PDE4D: variants seen among roughly 807,000 people sequenced by gnomAD.
PDE4D encodes the protein phosphodiesterase 4D.
In PDE4D, 24 loss-of-function variants were observed where a neutral mutation model predicts 87.4. The ratio of observed to expected loss-of-function variants is 0.27; its 90% confidence interval spans 0.20 to 0.39. The LOEUF is 0.39. PDE4D is among the 10% of genes least tolerant of loss of function. The pLI, the probability that PDE4D is intolerant of heterozygous loss-of-function variation, is 1.00. For synonymous variants in PDE4D, 384 were observed against 383.2 expected (o/e 1.00, Z -0.02); for missense variants, 714 against 1,041.0 (o/e 0.69, Z 4.32).
chr5:59,017,336 G>A (rs1754221598), intron 6 of PDE4D, among the ~76,000 whole-genome samples: 1 of 152,198 alleles, frequency 6.6e-6, no homozygotes, highest in Non-Finnish European at 1.5e-5. Context: ...CTGAAGAAAT[G>A]AGAAGAATCA....
chr5:60,319,879 G>T (rs2149836753), intron 1 of PDE4D, among the ~76,000 whole-genome samples: 1 of 152,330 alleles, frequency 6.6e-6, no homozygotes, highest in Middle Eastern at 3.4e-3. Context: ...CGTGTGAGGT[G>T]TCAGTCTGCC....
intron 2 of PDE4D, among the ~76,000 whole-genome samples, chr5:60,058,955 T>C (rs981641768): frequency 6.6e-6 from 1 of 151,900 alleles, no homozygotes; most frequent in South Asian, 2.1e-4. Flanking sequence ...AAAAATGATA[T>C]CCATACCATT....
At chr5:59,601,431 T>A (rs1583274709) in intron 1 of PDE4D, among the ~76,000 whole-genome samples, 1 of 141,588 alleles carries the variant, frequency 7.1e-6, no homozygotes, top group Non-Finnish European at 1.5e-5. Flanking sequence ...TTTTTTTTTT[T>A]AACTCCTATG....
intron 1 of PDE4D, among the ~76,000 whole-genome samples, chr5:59,353,121 T>G (rs1780784512): frequency 6.6e-6 from 1 of 152,138 alleles, no homozygotes; most frequent in Admixed American, 6.6e-5. Flanking sequence ...TACCCCAAAC[T>G]TGTCACATAA....
At chr5:59,919,749 A>G (rs1173085777) in intron 3 of PDE4D, among the ~76,000 whole-genome samples, 1 of 150,502 alleles carries the variant, frequency 6.6e-6, no homozygotes, top group Middle Eastern at 3.2e-3. Flanking sequence ...CAAAGTAGAC[A>G]CTGAATAAAC....
intron 1 of PDE4D, among the ~76,000 whole-genome samples, chr5:60,224,838 C>A (rs1189746451): frequency 1.3e-5 from 2 of 151,960 alleles, no homozygotes; most frequent in Non-Finnish European, 2.9e-5. Flanking sequence ...GAATTCGTGG[C>A]CATTTTTAAT....
chr5:60,096,440 T>G (rs1254220577), intron 2 of PDE4D, among the ~76,000 whole-genome samples: 3 of 152,120 alleles, frequency 2.0e-5, no homozygotes, highest in Admixed American at 1.3e-4. Flanking sequence ...AATTAAGTTT[T>G]TTTCACAGAT....
At chr5:60,388,452 T>C (rs1203308435) in intron 1 of PDE4D, among the ~76,000 whole-genome samples, 1 of 152,098 alleles carries the variant, frequency 6.6e-6, no homozygotes, top group East Asian at 1.9e-4. Flanking sequence ...CAGGTATACA[T>C]GTGCCATGGT....
At chr5:59,659,288 G>C (rs1744865626) in intron 1 of PDE4D, among the ~76,000 whole-genome samples, 1 of 152,166 alleles carries the variant, frequency 6.6e-6, no homozygotes, top group Admixed American at 6.5e-5. Flanking sequence ...CCAAAGACCA[G>C]AAGAATTTTG....
chr5:60,207,820 C>G (rs937945879), intron 1 of PDE4D, among the ~76,000 whole-genome samples: 1 of 152,162 alleles, frequency 6.6e-6, no homozygotes, highest in Admixed American at 6.5e-5. Flanking sequence ...ATGGTCTGCT[C>G]TTATTTCAGT....
chr5:59,357,215 C>A (rs1038130772), intron 1 of PDE4D, among the ~76,000 whole-genome samples: 2 of 152,202 alleles, frequency 1.3e-5, no homozygotes, highest in African/African-American at 2.4e-5. Flanking sequence ...GCACACACAA[C>A]AAAAGGTGTG....
intron 1 of PDE4D, among the ~76,000 whole-genome samples, chr5:60,510,486 G>A (rs1372202367): frequency 6.6e-6 from 1 of 152,124 alleles, no homozygotes. Context: ...TAAAGAATGA[G>A]TACAATTTTG....
intron 2 of PDE4D, among the ~76,000 whole-genome samples, chr5:60,009,262 G>A (rs1764779691): frequency 6.6e-6 from 1 of 151,944 alleles, no homozygotes; most frequent in Admixed American, 6.6e-5. Flanking sequence ...TATTTAATCT[G>A]ATATGCTTTA....
At chr5:59,311,913 C>T (rs1310120925) in intron 1 of PDE4D, among the ~76,000 whole-genome samples, 3 of 152,096 alleles carry the variant, frequency 2.0e-5, no homozygotes, top group African/African-American at 7.2e-5. Flanking sequence ...GGCCCTGCAT[C>T]GGCCCTGGAG....
At chr5:59,837,639 A>G (rs1742338284) in intron 1 of PDE4D, among the ~76,000 whole-genome samples, 1 of 152,086 alleles carries the variant, frequency 6.6e-6, no homozygotes. Context: ...AATCAACACC[A>G]AGACAACTGA....
intron 1 of PDE4D, among the ~76,000 whole-genome samples, chr5:60,226,355 C>T (rs951694025): frequency 6.6e-6 from 1 of 152,010 alleles, no homozygotes; most frequent in Non-Finnish European, 1.5e-5. Flanking sequence ...GAGATTAGAA[C>T]TATAATATTA....
At chr5:60,106,095 G>T (rs1582680855) in intron 2 of PDE4D, among the ~76,000 whole-genome samples, 1 of 152,148 alleles carries the variant, frequency 6.6e-6, no homozygotes, top group East Asian at 1.9e-4. Flanking sequence ...CCATCAGTGT[G>T]CTGTATTCAG....
chr5:59,591,807 A>C (rs1159322535), intron 1 of PDE4D, among the ~76,000 whole-genome samples: 1 of 152,144 alleles, frequency 6.6e-6, no homozygotes, highest in Non-Finnish European at 1.5e-5. Context: ...TTTTCTTAGC[A>C]CATTCTATAT....
chr5:60,362,841 G>A (rs867202913), intron 1 of PDE4D, among the ~76,000 whole-genome samples: 18 of 147,860 alleles, frequency 1.2e-4, no homozygotes, highest in Admixed American at 2.7e-4. Flanking sequence ...CCCCCTGGGT[G>A]AAGAACAAGA....
Sources: gnomAD v4.1 joint callset for allele counts (sites outside exome capture counted in the v4.1 genomes callset) on GRCh38, gnomAD v4.1.1 for gene constraint, MANE v1.5 for transcripts, NCBI Gene and HGNC (gene_info 2026-07-23, HGNC 2026-07-21) for gene names.